The following MARCHF1 variants were observed in gnomAD, a reference collection of about 807,000 sequenced individuals.
MARCHF1 encodes E3 ubiquitin-protein ligase MARCHF1.
MARCHF1 carries 40 observed loss-of-function variants against 54.2 expected under a neutral mutation model. The observed-to-expected ratio is 0.74, with a 90% CI of 0.57 to 0.96. The LOEUF (loss-of-function observed/expected upper bound fraction) is 0.96. MARCHF1 is among the 40% of genes least tolerant of loss of function. The probability of loss-of-function intolerance (pLI) is 0.00; values close to 1 mark genes in which losing one functional copy is unlikely to be tolerated. For synonymous variants in MARCHF1, 236 were observed against 236.3 expected, an observed-to-expected ratio of 1.00 and a Z score of 0.01; for missense variants, 586 against 656.5, an observed-to-expected ratio of 0.89 and a Z score of 1.17.
chr4:164,059,385 G>A (rs1349106872), intron 2 of MARCHF1, among the ~76,000 whole-genome samples: 1 of 152,002 alleles, frequency 6.6e-6, no homozygotes, highest in Non-Finnish European at 1.5e-5. Flanking sequence ...TTCAAGACAA[G>A]GCTTTTTATT....
At chr4:164,021,959 A>G (rs1753676088) in intron 2 of MARCHF1, among the ~76,000 whole-genome samples, 1 of 152,060 alleles carries the variant, frequency 6.6e-6, no homozygotes, top group Admixed American at 6.6e-5. Flanking sequence ...TGGAAATCCA[A>G]ATGTTCAGCA....
At chr4:164,359,289 T>A (rs1441759983) in intron 1 of MARCHF1, among the ~76,000 whole-genome samples, 2 of 152,214 alleles carry the variant, frequency 1.3e-5, no homozygotes, top group African/African-American at 4.8e-5. Flanking sequence ...AAGAATTTGT[T>A]CTTTCTCTCG....
chr4:163,857,260 A>G (rs564722241), intron 3 of MARCHF1, among the ~76,000 whole-genome samples: 1 of 152,204 alleles, frequency 6.6e-6, no homozygotes, highest in East Asian at 1.9e-4. Context: ...TGCATTATCG[A>G]TGCTACAATA....
intron 2 of MARCHF1, among the ~76,000 whole-genome samples, chr4:164,067,871 C>G (rs540940366): frequency 6.6e-6 from 1 of 152,152 alleles, no homozygotes; most frequent in East Asian, 1.9e-4. Context: ...AACAAATCAA[C>G]AAGCAAAAAA....
At chr4:163,569,336 T>G (rs528349854) in intron 8 of MARCHF1, among the ~76,000 whole-genome samples, 203 of 152,228 alleles carry the variant, frequency 1.3e-3, no homozygotes, top group African/African-American at 4.5e-3. Context: ...TTTGTATCTT[T>G]GAATTCTAAA....
intron 1 of MARCHF1, among the ~76,000 whole-genome samples, chr4:164,122,170 A>C (rs919718001): frequency 2.0e-5 from 3 of 152,136 alleles, no homozygotes; most frequent in Non-Finnish European, 4.4e-5. Flanking sequence ...CCCTAAAAAA[A>C]CTGGGGATAA....
At chr4:163,863,397 C>T (rs1749983046) in intron 3 of MARCHF1, among the ~76,000 whole-genome samples, 1 of 151,984 alleles carries the variant, frequency 6.6e-6, no homozygotes, top group African/African-American at 2.4e-5. Context: ...ATGACTCTGA[C>T]AGTGCTATAA....
rs554739671 is a variant in MARCHF1, at chr4:163,722,751, C to G, written c.112-21888G>C. Among the ~76,000 whole-genome samples, 7 of 152,306 alleles carry G rather than the reference C, an allele frequency of 4.6e-5. No homozygotes were observed. The South Asian group carries it at 1.5e-3, about 32-fold the overall frequency. On this transcript the variant is annotated intron_variant, in intron 4 of 9. Transcript: ENST00000514618. The stretch of plus-strand genomic sequence containing the variant: ...TATATATTTAAGATAGTTAGCTCTT[C>G]TTGTTGAATTGATCCCTTTACCATT...
At chr4:163,979,277 T>A (rs1752713048) in intron 3 of MARCHF1, among the ~76,000 whole-genome samples, 1 of 137,432 alleles carries the variant, frequency 7.3e-6, no homozygotes, top group South Asian at 2.4e-4. Context: ...GGTGTTTGGT[T>A]TTTTGTTCTT....
intron 1 of MARCHF1, among the ~76,000 whole-genome samples, chr4:164,289,586 A>AG (rs1491579091): frequency 1.6e-4 from 1 of 6,126 alleles, no homozygotes; most frequent in Non-Finnish European, 3.2e-4. Flanking sequence ...ACTTAGATGG[A>AG]AAAAAAAAAA....
intron 2 of MARCHF1, among the ~76,000 whole-genome samples, chr4:164,074,210 G>C (rs1754928014): frequency 1.3e-5 from 2 of 152,150 alleles, no homozygotes; most frequent in Admixed American, 1.3e-4. Flanking sequence ...GGGGATACCT[G>C]AAGCCTTCCC....
chr4:164,327,399 A>G (rs1332377511), intron 1 of MARCHF1, among the ~76,000 whole-genome samples: 5 of 152,216 alleles, frequency 3.3e-5, no homozygotes, highest in Non-Finnish European at 7.3e-5. Flanking sequence ...AAGCCTTAAT[A>G]TGTTACAAGG....
chr4:163,575,288 C>T (rs938648726), intron 8 of MARCHF1, among the ~76,000 whole-genome samples: 6 of 152,016 alleles, frequency 3.9e-5, no homozygotes, highest in African/African-American at 1.4e-4. Flanking sequence ...TCATTGAAAG[C>T]TTTTTCTGCA....
chr4:164,358,002 G>A (rs1229305710), intron 1 of MARCHF1, among the ~76,000 whole-genome samples: 1 of 152,100 alleles, frequency 6.6e-6, no homozygotes, highest in Non-Finnish European at 1.5e-5. Context: ...CATAAGAGAA[G>A]TAAAGGCTGT....
intron 4 of MARCHF1, among the ~76,000 whole-genome samples, chr4:163,826,011 C>T (rs80064658): frequency 0.027 from 4,068 of 152,040 alleles, 73 homozygotes; most frequent in East Asian, 0.074. Context: ...TTTGGTCAGT[C>T]ATTGAACCTG....
intron 4 of MARCHF1, among the ~76,000 whole-genome samples, chr4:163,814,944 T>C (rs903329170): frequency 4.6e-4 from 70 of 152,264 alleles, no homozygotes; most frequent in African/African-American, 1.4e-3. Context: ...ACAGTTAACG[T>C]GTATAAGCTG....
chr4:164,360,389 T>G (rs938527979), intron 1 of MARCHF1, among the ~76,000 whole-genome samples: 1 of 152,146 alleles, frequency 6.6e-6, no homozygotes, highest in Non-Finnish European at 1.5e-5. Flanking sequence ...ATTTGTAGAT[T>G]CTTATGTCTC....
chr4:163,737,633 T>TG (rs1172486080), intron 4 of MARCHF1, among the ~76,000 whole-genome samples: 2 of 126,572 alleles, frequency 1.6e-5, no homozygotes, highest in Admixed American at 7.9e-5. Flanking sequence ...ACATTTGGGT[T>TG]TGCAGCCAAA....
chr4:164,141,711 C>G (rs1225480939), intron 1 of MARCHF1, among the ~76,000 whole-genome samples: 1 of 152,204 alleles, frequency 6.6e-6, no homozygotes, highest in Non-Finnish European at 1.5e-5. Flanking sequence ...GCAGAAATAA[C>G]TGTTGAAAAT....
Sources: gnomAD v4.1 joint callset for allele counts (sites outside exome capture counted in the v4.1 genomes callset) on GRCh38, gnomAD v4.1.1 for gene constraint, MANE v1.5 for transcripts, NCBI Gene and HGNC (gene_info 2026-07-23, HGNC 2026-07-21) for gene names.